Variants in NEGR1 observed in about 807,000 individuals in gnomAD.
NEGR1 encodes the protein neuronal growth regulator 1.
In NEGR1, 10 loss-of-function variants were observed where a neutral mutation model predicts 40.9. That is an observed-to-expected ratio of 0.24 (90% CI 0.15 to 0.42). The LOEUF (loss-of-function observed/expected upper bound fraction) is 0.42, where lower values mean the gene tolerates loss of function less well. Ranked by LOEUF, NEGR1 falls within the 10% of genes least tolerant of loss-of-function variation. NEGR1 has a pLI of 1.00. For missense variants in NEGR1, 352 were observed against 438.9 expected, an observed-to-expected ratio of 0.80 and a Z score of 1.77; for synonymous variants, 185 against 166.8, an observed-to-expected ratio of 1.11 and a Z score of -0.84.
intron 3 of NEGR1, among the ~76,000 whole-genome samples, chr1:71,728,183 A>G (rs576725607): frequency 2.2e-4 from 34 of 152,290 alleles, no homozygotes; most frequent in African/African-American, 7.7e-4. Context: ...GGTTGCTTAT[A>G]TAGGCAACGA....
chr1:72,279,246 A>G (rs1484615286), intron 1 of NEGR1, among the ~76,000 whole-genome samples: 1 of 152,124 alleles, frequency 6.6e-6, no homozygotes, highest in Non-Finnish European at 1.5e-5. Flanking sequence ...CCACTTAAGG[A>G]AAGTTTTGTT....
chr1:71,902,823 C>T (rs1661176309), intron 2 of NEGR1, among the ~76,000 whole-genome samples: 1 of 151,792 alleles, frequency 6.6e-6, no homozygotes, highest in African/African-American at 2.4e-5. Context: ...ACAATATGGG[C>T]ACAAGATGTC....
At chr1:71,907,794 TAC>T (rs1197896102) in intron 2 of NEGR1, among the ~76,000 whole-genome samples, 2 of 152,012 alleles carry the variant, frequency 1.3e-5, no homozygotes, top group Non-Finnish European at 2.9e-5. Flanking sequence ...ATAGGGTACA[TAC>T]ACCCCCCATG....
chr1:71,958,999 G>A (rs572297840), intron 1 of NEGR1, among the ~76,000 whole-genome samples: 15 of 149,814 alleles, frequency 1.0e-4, no homozygotes, highest in Admixed American at 2.0e-4. Flanking sequence ...TAATGTTGTC[G>A]TCTATGTGGT....
At chr1:72,109,060 C>T (rs1247274336) in intron 1 of NEGR1, among the ~76,000 whole-genome samples, 4 of 151,390 alleles carry the variant, frequency 2.6e-5, no homozygotes, top group Non-Finnish European at 5.9e-5. Flanking sequence ...ATTCTATTAC[C>T]TTAATCTCAT....
chr1:71,575,457 G>A (rs1375545907), intron 6 of NEGR1, among the ~76,000 whole-genome samples: 1 of 152,146 alleles, frequency 6.6e-6, no homozygotes, highest in South Asian at 2.1e-4. Context: ...GTGAGGCATT[G>A]GAGCTATCAG....
Position 71,719,789 on chromosome 1 carries a change from C to G in NEGR1, c.536-21650G>C, listed in dbSNP as rs1654440104. Among the ~76,000 whole-genome samples, 3 of 152,190 alleles carry G rather than the reference C, an allele frequency of 2.0e-5. No individual in the cohort carries two copies. The South Asian group carries it at 6.2e-4, about 32-fold the overall frequency. ...TATCCCTCCCCCAGGCCCCCACCCC[C>G]TGGCAGGCCCTGGTGTGTGATGTTC... On this transcript the variant is annotated intron_variant, in intron 3 of 6. Coordinates refer to ENST00000357731, the MANE Select transcript of NEGR1 (RefSeq NM_173808.3).
intron 2 of NEGR1, among the ~76,000 whole-genome samples, chr1:71,789,462 T>C (rs1192589471): frequency 6.6e-6 from 1 of 152,084 alleles, no homozygotes; most frequent in East Asian, 1.9e-4. Context: ...TTCATATTAA[T>C]TACTACATTC....
chr1:71,928,443 T>C (rs1341743117), intron 2 of NEGR1, among the ~76,000 whole-genome samples: 1 of 143,120 alleles, frequency 7.0e-6, no homozygotes, highest in Non-Finnish European at 1.5e-5. Context: ...TATACACATA[T>C]ATATGTATAT....
chr1:71,450,728 T>G (rs1646620922), intron 6 of NEGR1, among the ~76,000 whole-genome samples: 1 of 151,990 alleles, frequency 6.6e-6, no homozygotes, highest in Non-Finnish European at 1.5e-5. Context: ...GAGAATCGCT[T>G]GAACCCAAAA....
intron 1 of NEGR1, among the ~76,000 whole-genome samples, chr1:72,045,770 C>A (rs1646995449): frequency 1.3e-5 from 2 of 151,550 alleles, no homozygotes; most frequent in Admixed American, 1.3e-4. Context: ...AACAATATAT[C>A]AAATTCAATA....
intron 2 of NEGR1, among the ~76,000 whole-genome samples, chr1:71,781,212 A>T (rs1320040999): frequency 6.6e-6 from 1 of 152,184 alleles, no homozygotes; most frequent in Admixed American, 6.6e-5. Context: ...ACTAATCTGG[A>T]TATCACAGGA....
At chr1:71,544,164 GTA>G (rs796848731) in intron 6 of NEGR1, among the ~76,000 whole-genome samples, 2 of 151,708 alleles carry the variant, frequency 1.3e-5, no homozygotes, top group African/African-American at 4.8e-5. Context: ...TGCTGAAATA[GTA>G]TATGTTTTAG....
chr1:72,165,323 AAAC>A (rs1452732276), intron 1 of NEGR1, among the ~76,000 whole-genome samples: 1 of 152,086 alleles, frequency 6.6e-6, no homozygotes, highest in African/African-American at 2.4e-5. Context: ...ATAGTTGGTC[AAAC>A]AACATTTTAA....
intron 1 of NEGR1, among the ~76,000 whole-genome samples, chr1:72,010,746 G>A (rs577442729): frequency 6.6e-6 from 1 of 152,232 alleles, no homozygotes; most frequent in African/African-American, 2.4e-5. Context: ...TTGTATAAGC[G>A]TAGGAAGATG....
chr1:71,819,469 A>G (rs1226998050), intron 2 of NEGR1, among the ~76,000 whole-genome samples: 1 of 151,968 alleles, frequency 6.6e-6, no homozygotes, highest in Admixed American at 6.6e-5. Flanking sequence ...TATATTATGA[A>G]AAAGGAATGA....
chr1:72,196,541 A>G (rs1653004943), intron 1 of NEGR1, among the ~76,000 whole-genome samples: 1 of 152,096 alleles, frequency 6.6e-6, no homozygotes, highest in African/African-American at 2.4e-5. Context: ...AGTCCGAGGC[A>G]GGCAGATCAC....
At chr1:71,836,480 G>GTATATATATATA (rs10668432) in intron 2 of NEGR1, among the ~76,000 whole-genome samples, 1 of 144,532 alleles carries the variant, frequency 6.9e-6, no homozygotes, top group Non-Finnish European at 1.5e-5. Context: ...ATATATATGT[G>GTATATATATATA]TATATATATA....
chr1:71,513,003 A>C (rs541785177), intron 6 of NEGR1, among the ~76,000 whole-genome samples: 16 of 152,320 alleles, frequency 1.1e-4, no homozygotes. Context: ...TAACATCGAC[A>C]AAAAATACCT....
Sources: allele counts gnomAD v4.1 joint callset (sites outside exome capture counted in the v4.1 genomes callset), GRCh38; gene constraint gnomAD v4.1.1; transcripts MANE v1.5; gene names NCBI Gene and HGNC (gene_info 2026-07-23, HGNC 2026-07-21).